NALCN: variants seen among roughly 807,000 people sequenced by gnomAD.
The protein encoded by NALCN is sodium leak channel NALCN.
A neutral mutation model predicts 225.3 loss-of-function variants in NALCN; 111 were observed. That is an observed-to-expected ratio of 0.49 (90% CI 0.42 to 0.58). NALCN has a LOEUF of 0.58. Among genes scored for constraint, NALCN ranks in the 20% least tolerant of loss-of-function variants. The pLI is 0.00. For missense variants in NALCN, 1,378 were observed against 2,202.4 expected (o/e 0.63, Z 7.49); for synonymous variants, 764 against 769.0 (o/e 0.99, Z 0.11).
chr13:101,111,948 T>C (rs2139650663), intron 18 of NALCN, among the ~76,000 whole-genome samples: 1 of 152,306 alleles, frequency 6.6e-6, no homozygotes, highest in East Asian at 1.9e-4. Flanking sequence ...AGGTTTCTAA[T>C]AAACCCCCTT....
In NALCN at chr13:101,143,209, C is replaced by A. The variant is rs1268016415; in HGVS notation, c.1989G>T (p.Met663Ile). 15 of 1,608,546 alleles carry A rather than the reference C, an allele frequency of 9.3e-6. No individual in the cohort carries two copies. The South Asian group carries it at 1.7e-4, about 18-fold the overall frequency. Residue 663 changes from methionine (M) to isoleucine (I), a missense_variant, in exon 17 of 44, where the codon ATG (methionine) becomes ATT (isoleucine). Around this residue, in one of 19 missense-constraint regions of NALCN, gnomAD observed 100 missense variants for 89.4 expected, o/e 1.12. Coordinates refer to ENST00000251127, the MANE Select transcript of NALCN (RefSeq NM_052867.4). ...FTVPKIRESFMKQFIDRQQQD... is the reference protein window; with the variant it reads ...FTVPKIRESFIKQFIDRQQQD... ...GTTGCTGGCGGTCAATAAACTGCTTCATAAAACTCTCCCTTTGCAAATGAA... is the reference window on the plus strand; with the variant it reads ...GTTGCTGGCGGTCAATAAACTGCTTAATAAAACTCTCCCTTTGCAAATGAA...
chr13:101,058,025 G>A lies in NALCN; in HGVS notation c.4937C>T (p.Thr1646Met), dbSNP rs771714484. The A allele has an allele frequency of 2.7e-5, 44 of 1,613,354 alleles. No homozygotes were observed. Among genetic ancestry groups the A allele is most frequent in the South Asian group, 1.5e-4 (14 of 91,082 alleles). Reference sequence around the variant, plus strand: ...CCGACTTCCTCCTCGATCCGACAGCGTGGGGCTCAGGAGCTGCTGCTGGCT... The same window carrying A: ...CCGACTTCCTCCTCGATCCGACAGCATGGGGCTCAGGAGCTGCTGCTGGCT... ...TSSQQQLLSPTLSDRGGSRQD... is the reference protein window; with the variant it reads ...TSSQQQLLSPMLSDRGGSRQD... Residue 1646 changes from threonine (T) to methionine (M), a missense_variant, in exon 43 of 44, where the codon ACG (threonine) becomes ATG (methionine). By Grantham distance (81) the Thr-to-Met change is moderately conservative. Around this residue, in one of 19 missense-constraint regions of NALCN, gnomAD observed 145 missense variants for 169.6 expected, o/e 0.85. Transcript: ENST00000251127.
intron 15 of NALCN, among the ~76,000 whole-genome samples, chr13:101,159,570 A>G (rs995819503): frequency 6.6e-6 from 1 of 152,198 alleles, no homozygotes. Flanking sequence ...AAATCAGAAG[A>G]GACACTGGAC....
intron 13 of NALCN, among the ~76,000 whole-genome samples, chr13:101,208,058 GAACCCACCAGGAGGGACAAACAAC>G (rs2040385736): frequency 1.3e-5 from 2 of 151,656 alleles, no homozygotes; most frequent in African/African-American, 2.4e-5. Context: ...GCAAGACAAC[GAACCCACCAGGAGGGACAAACAAC>G]TCCCAACAGG....
chr13:101,142,939 G>T, intron 17 of NALCN, 141 bp downstream of exon 17: 1 of 1,215,868 alleles, frequency 8.2e-7, no homozygotes, highest in Non-Finnish European at 1.2e-6. Flanking sequence ...TAGGTTTCAT[G>T]ATATCTTTTA....
At chr13:101,226,458 T>C (rs2041145427) in intron 13 of NALCN, among the ~76,000 whole-genome samples, 1 of 152,240 alleles carries the variant, frequency 6.6e-6, no homozygotes, top group Admixed American at 6.5e-5. Context: ...CTGCTTTTTG[T>C]GTTTCTTACC....
intron 7 of NALCN, among the ~76,000 whole-genome samples, chr13:101,310,158 A>G (rs2044289269): frequency 6.6e-6 from 1 of 151,932 alleles, no homozygotes; most frequent in Non-Finnish European, 1.5e-5. Flanking sequence ...GCTTCCCTTG[A>G]TTCTATTCTC....
chr13:101,102,715 T>C (rs2034888733), intron 26 of NALCN, among the ~76,000 whole-genome samples: 1 of 152,228 alleles, frequency 6.6e-6, no homozygotes, highest in South Asian at 2.1e-4. Context: ...TTTAAAGTTG[T>C]TTTATGTTAA....
chr13:101,216,320 A>AT (rs1445818430), intron 13 of NALCN, among the ~76,000 whole-genome samples: 2 of 152,098 alleles, frequency 1.3e-5, no homozygotes, highest in African/African-American at 4.8e-5. Flanking sequence ...AAGATATATG[A>AT]TTTTCAGTTG....
chr13:101,183,187 A>G (rs753753285), intron 14 of NALCN, among the ~76,000 whole-genome samples: 1 of 152,232 alleles, frequency 6.6e-6, no homozygotes, highest in East Asian at 1.9e-4. Context: ...CGATGTCTGC[A>G]TATTACCTTC....
intron 43 of NALCN, chr13:101,057,178 G>A (rs1667148451): frequency 6.6e-6 from 1 of 152,230 alleles, no homozygotes; most frequent in Non-Finnish European, 1.5e-5. Context: ...GCTTTAGCAT[G>A]AACTTAGTTA....
At chr13:101,407,729 A>C (rs1374095403) in intron 1 of NALCN, among the ~76,000 whole-genome samples, 2 of 152,244 alleles carry the variant, frequency 1.3e-5, no homozygotes, top group East Asian at 1.9e-4. Flanking sequence ...ATTTGTCGGG[A>C]GAACAGAGGG....
intron 15 of NALCN, among the ~76,000 whole-genome samples, chr13:101,169,516 C>A (rs762248007): frequency 6.6e-6 from 1 of 152,160 alleles, no homozygotes; most frequent in African/African-American, 2.4e-5. Context: ...TGATTCCTGG[C>A]TCACTAAGCT....
intron 26 of NALCN, among the ~76,000 whole-genome samples, chr13:101,101,340 G>A (rs1340972191): frequency 7.4e-6 from 1 of 135,044 alleles, no homozygotes; most frequent in Non-Finnish European, 1.5e-5. Flanking sequence ...GAGTGCAATG[G>A]TGCAATCTCA....
intron 15 of NALCN, among the ~76,000 whole-genome samples, chr13:101,174,878 C>T (rs929346607): frequency 6.6e-6 from 1 of 152,148 alleles, no homozygotes; most frequent in Non-Finnish European, 1.5e-5. Context: ...ATAACCATGG[C>T]ATGAAGGAAA....
At chr13:101,265,643 A>T (rs1221943872) in intron 10 of NALCN, among the ~76,000 whole-genome samples, 1 of 152,174 alleles carries the variant, frequency 6.6e-6, no homozygotes, top group Non-Finnish European at 1.5e-5. Context: ...CATTCCAAAG[A>T]TGTTGCTTGC....
At chr13:101,295,131 A>T (rs1298351874) in intron 7 of NALCN, among the ~76,000 whole-genome samples, 2 of 152,216 alleles carry the variant, frequency 1.3e-5, no homozygotes, top group Non-Finnish European at 2.9e-5. Context: ...TTAAAAGTTG[A>T]CTTTTAAGAA....
At chr13:101,095,782 G>T (rs2034470998) in intron 27 of NALCN, 102 bp from the exon 28 acceptor site, 1 of 953,218 alleles carries the variant, frequency 1.0e-6, no homozygotes, top group Non-Finnish European at 1.6e-6. Flanking sequence ...AATCCCAAAA[G>T]CCCTTTATCT....
chr13:101,083,682 C>T, intron 31 of NALCN, 29 bp downstream of exon 31: 1 of 1,604,474 alleles, frequency 6.2e-7, no homozygotes. Context: ...TAGTGCCCAA[C>T]ATGAATAAAA....
Sources: gnomAD v4.1 joint callset for allele counts (sites outside exome capture counted in the v4.1 genomes callset) on GRCh38, gnomAD v4.1.1 for gene constraint, gnomAD v4.1.1 regional missense constraint, MANE v1.5 for transcripts, NCBI Gene and HGNC (gene_info 2026-07-23, HGNC 2026-07-21) for gene names.